Variants in LRRTM4 observed in about 807,000 individuals in gnomAD.
LRRTM4 encodes leucine-rich repeat transmembrane neuronal protein 4.
LRRTM4 carries 25 observed loss-of-function variants against 47.6 expected under a neutral mutation model. That is an observed-to-expected ratio of 0.53 (90% CI 0.38 to 0.73). The LOEUF is 0.73. Ranked by LOEUF, LRRTM4 falls within the 30% of genes least tolerant of loss-of-function variation. The pLI is 0.00. For missense variants in LRRTM4, 638 were observed against 713.4 expected (o/e 0.89, Z 1.20); for synonymous variants, 311 against 269.5 (o/e 1.15, Z -1.51).
At position 77,135,727 on chromosome 2, in the gene LRRTM4, T is replaced by C. The variant is rs143818314; in HGVS notation, c.1551+382591A>G. Among the ~76,000 whole-genome samples, 345 of 152,266 alleles carry C rather than the reference T, an allele frequency of 2.3e-3. 2 individuals are homozygous for C. Among genetic ancestry groups the C allele is most frequent in the Middle Eastern group, 0.017 (5 of 294 alleles). On this transcript the variant is annotated intron_variant, in intron 3 of 3. Coordinates refer to ENST00000409884, the MANE Select transcript of LRRTM4 (RefSeq NM_001134745.3). ...TCTACTGTTGTGAATGTTCTTGAAT[T>C]TATTTTGAAACATTGACTTTGAAGG...
chr2:77,163,311 G>T (rs1003559306), intron 3 of LRRTM4, among the ~76,000 whole-genome samples: 1 of 152,138 alleles, frequency 6.6e-6, no homozygotes, highest in Non-Finnish European at 1.5e-5. Context: ...AACCCTCCAA[G>T]AAATATGGGA....
chr2:77,481,247 A>G (rs941434717), intron 3 of LRRTM4, among the ~76,000 whole-genome samples: 1 of 152,174 alleles, frequency 6.6e-6, no homozygotes, highest in Non-Finnish European at 1.5e-5. Flanking sequence ...AGCAAAGCCT[A>G]TTATTATCTC....
chr2:77,048,674 C>T (rs1173457350), intron 3 of LRRTM4, among the ~76,000 whole-genome samples: 1 of 151,768 alleles, frequency 6.6e-6, no homozygotes, highest in Non-Finnish European at 1.5e-5. Context: ...TTTTTATGGG[C>T]ATAGTGTGAT....
At chr2:77,273,377 T>A (rs1328966255) in intron 3 of LRRTM4, among the ~76,000 whole-genome samples, 1 of 152,168 alleles carries the variant, frequency 6.6e-6, no homozygotes. Flanking sequence ...CCCTGTATTC[T>A]CTATTACCTT....
chr2:77,039,032 A>G (rs1276726991), intron 3 of LRRTM4, among the ~76,000 whole-genome samples: 3 of 151,450 alleles, frequency 2.0e-5, no homozygotes, highest in African/African-American at 7.3e-5. Context: ...AGTTCATAAG[A>G]AAATGGAACA....
intron 3 of LRRTM4, among the ~76,000 whole-genome samples, chr2:77,067,195 T>C (rs1488215958): frequency 6.6e-6 from 1 of 152,170 alleles, no homozygotes; most frequent in East Asian, 1.9e-4. Flanking sequence ...CACTTTTTTT[T>C]CTAATTTTTA....
chr2:77,159,865 G>C (rs1464225276), intron 3 of LRRTM4, among the ~76,000 whole-genome samples: 1 of 152,118 alleles, frequency 6.6e-6, no homozygotes. Flanking sequence ...TTTAGTTTTA[G>C]TGCTTATATC....
intron 3 of LRRTM4, among the ~76,000 whole-genome samples, chr2:76,975,030 T>C (rs375283614): frequency 5.9e-5 from 9 of 151,742 alleles, no homozygotes; most frequent in Non-Finnish European, 1.0e-4. Context: ...CTATGAGCTA[T>C]GTACAGTGAT....
intron 3 of LRRTM4, among the ~76,000 whole-genome samples, chr2:77,425,047 C>A (rs1019095628): frequency 1.3e-5 from 2 of 152,088 alleles, no homozygotes; most frequent in East Asian, 3.9e-4. Flanking sequence ...AAAACTATTC[C>A]AATTACAAAA....
intron 3 of LRRTM4, among the ~76,000 whole-genome samples, chr2:76,982,883 T>TA (rs1003113653): frequency 3.3e-5 from 5 of 152,078 alleles, no homozygotes; most frequent in South Asian, 2.1e-4. Context: ...CAATTTATAT[T>TA]AAAAAAAATT....
At chr2:76,774,153 A>ATAAAG (rs1170084664) in intron 3 of LRRTM4, among the ~76,000 whole-genome samples, 2 of 151,880 alleles carry the variant, frequency 1.3e-5, no homozygotes, top group African/African-American at 2.4e-5. Context: ...TATTCTTACA[A>ATAAAG]TAAAGTAAGC....
chr2:77,009,203 AC>A (rs1677777520), intron 3 of LRRTM4: 1 of 152,150 alleles, frequency 6.6e-6, no homozygotes, highest in Non-Finnish European at 1.5e-5. Context: ...ATGGACCAAC[AC>A]AAAGGAAAAA....
intron 3 of LRRTM4, among the ~76,000 whole-genome samples, chr2:77,431,140 C>T (rs1384707251): frequency 4.7e-5 from 7 of 149,008 alleles, no homozygotes; most frequent in African/African-American, 1.8e-4. Flanking sequence ...TCTCAGCCTC[C>T]ATGACCGCAT....
intron 3 of LRRTM4, among the ~76,000 whole-genome samples, chr2:77,481,295 C>T (rs1226644491): frequency 6.6e-6 from 1 of 152,124 alleles, no homozygotes; most frequent in East Asian, 1.9e-4. Context: ...CAGCAAGTAT[C>T]CTGCCCAGGA....
intron 3 of LRRTM4, among the ~76,000 whole-genome samples, chr2:77,121,762 T>G (rs1447083726): frequency 6.6e-6 from 1 of 151,800 alleles, no homozygotes; most frequent in Non-Finnish European, 1.5e-5. Context: ...TTTTCTACCA[T>G]CTGGTAAAAA....
At chr2:77,420,279 T>A (rs1349322842) in intron 3 of LRRTM4, among the ~76,000 whole-genome samples, 1 of 152,118 alleles carries the variant, frequency 6.6e-6, no homozygotes, top group African/African-American at 2.4e-5. Flanking sequence ...AAGAATTACA[T>A]AAAGCCAGCA....
chr2:77,188,501 C>A (rs560873187), intron 3 of LRRTM4, among the ~76,000 whole-genome samples: 4 of 152,216 alleles, frequency 2.6e-5, no homozygotes, highest in South Asian at 4.1e-4. Flanking sequence ...CCTACTAATA[C>A]CTTCTACATG....
chr2:77,275,255 C>T (rs1676312716), intron 3 of LRRTM4, among the ~76,000 whole-genome samples: 1 of 152,084 alleles, frequency 6.6e-6, no homozygotes, highest in Admixed American at 6.6e-5. Context: ...GCAAAGATTA[C>T]TTTGTAAGTT....
intron 3 of LRRTM4, among the ~76,000 whole-genome samples, chr2:77,151,388 A>T (rs1672426177): frequency 6.6e-6 from 1 of 152,178 alleles, no homozygotes; most frequent in South Asian, 2.1e-4. Flanking sequence ...TTTGACCATG[A>T]TAGATGCCTC....
Sources: gnomAD v4.1 joint callset for allele counts (sites outside exome capture counted in the v4.1 genomes callset) on GRCh38, gnomAD v4.1.1 for gene constraint, MANE v1.5 for transcripts, NCBI Gene and HGNC (gene_info 2026-07-23, HGNC 2026-07-21) for gene names.